The following SYNPO2 variants were observed in gnomAD, a reference collection of about 807,000 sequenced individuals.
SYNPO2 encodes synaptopodin-2.
A neutral mutation model predicts 85.0 loss-of-function variants in SYNPO2; 56 were observed. The observed-to-expected ratio is 0.66, with a 90% confidence interval of 0.53 to 0.82. The LOEUF (loss-of-function observed/expected upper bound fraction) is 0.82. Among genes scored for constraint, SYNPO2 ranks in the 40% least tolerant of loss-of-function variants. SYNPO2 has a pLI of 0.00. For synonymous variants in SYNPO2, 602 were observed against 591.1 expected (o/e 1.02, Z -0.27); for missense variants, 1,575 against 1,534.2 (o/e 1.03, Z -0.44).
chr4:118,909,782 T>A (rs1404549770), intron 1 of SYNPO2, among the ~76,000 whole-genome samples: 1 of 152,196 alleles, frequency 6.6e-6, no homozygotes, highest in Non-Finnish European at 1.5e-5. Context: ...AGCATTGCCA[T>A]TACACTTATA....
intron 1 of SYNPO2, among the ~76,000 whole-genome samples, chr4:119,019,420 A>G (rs1043907122): frequency 1.3e-5 from 2 of 152,214 alleles, no homozygotes; most frequent in African/African-American, 2.4e-5. Context: ...AAAGGAAAGG[A>G]ATTACATGAT....
intron 4 of SYNPO2, among the ~76,000 whole-genome samples, chr4:119,045,330 A>G (rs1738841679): frequency 2.6e-5 from 4 of 152,152 alleles, no homozygotes; most frequent in Admixed American, 2.6e-4. Flanking sequence ...GCAGTGGCTC[A>G]CTGGAAGCAA....
At chr4:118,916,270 T>C (rs1733320038) in intron 1 of SYNPO2, among the ~76,000 whole-genome samples, 1 of 151,816 alleles carries the variant, frequency 6.6e-6, no homozygotes, top group Non-Finnish European at 1.5e-5. Context: ...CCTGCTGGGC[T>C]CAAGTGATCC....
In SYNPO2 at chr4:119,027,351, G is replaced by T; in HGVS notation, c.982G>T (p.Val328Phe). The T allele has an allele frequency of 6.2e-7, 1 of 1,613,948 alleles. No homozygotes were observed. Among genetic ancestry groups the T allele is most frequent in the Non-Finnish European group, 8.5e-7 (1 of 1,180,032 alleles). ...EAPPSLVSFAVSSEGTEQGED... is the reference protein window; with the variant it reads ...EAPPSLVSFAFSSEGTEQGED... ...ACCTCCTTCTCTGGTATCCTTTGCC[G>T]TCTCATCAGAAGGCACAGAGCAGGG... Residue 328 changes from valine to phenylalanine, a missense_variant, in exon 3 of 5, where the codon GTC becomes TTC. This residue lies in a region of SYNPO2 where 1,508 missense variants were observed against 1,446.8 expected (regional missense o/e 1.04). Transcript: ENST00000307142.
Position 119,059,716 on chromosome 4 carries a change from G to A in SYNPO2, c.*1782G>A, listed in dbSNP as rs1739347276. 6.6e-6 allele frequency: 1 copy of A among 151,660 alleles called. No homozygotes were observed. The highest frequency in any genetic ancestry group is 1.5e-5 in the Non-Finnish European group (1 of 67,928). 9.4% of individuals were successfully genotyped at this position (151,660 alleles called of 1,614,324 possible). On this transcript the variant is annotated 3_prime_UTR_variant, in exon 5 of 5. Transcript: ENST00000307142. Reference sequence around the variant, plus strand: ...TAAAAATTAAAAATAATGCCAGGGTGCAAGTGACCAAGGCCTTATCTTGAA... The same window carrying A: ...TAAAAATTAAAAATAATGCCAGGGTACAAGTGACCAAGGCCTTATCTTGAA...
chr4:118,866,273 G>C (rs1418566477), intron 1 of SYNPO2, among the ~76,000 whole-genome samples: 2 of 152,080 alleles, frequency 1.3e-5, no homozygotes, highest in Admixed American at 6.5e-5. Flanking sequence ...TTAAATCCAA[G>C]TAGGAACGCC....
chr4:118,886,416 C>T (rs1298119110), upstream of SYNPO2, among the ~76,000 whole-genome samples: 7 of 152,082 alleles, frequency 4.6e-5, no homozygotes, highest in East Asian at 1.9e-4. Context: ...CCCCACCCTC[C>T]GACAGGCCTC....
chr4:118,898,913 C>T (rs1163718588), intron 1 of SYNPO2, among the ~76,000 whole-genome samples: 3 of 152,180 alleles, frequency 2.0e-5, no homozygotes, highest in African/African-American at 7.2e-5. Context: ...GAATGCTTGT[C>T]CACCCCATCT....
Position 118,888,898 on chromosome 4 carries a change from G to T in SYNPO2, c.-139G>T, listed in dbSNP as rs956280675. 29 of 837,704 alleles carry T rather than the reference G, an allele frequency of 3.5e-5. No individual in the cohort carries two copies. The highest frequency in any genetic ancestry group is 2.9e-4 in the African/African-American group (17 of 57,720). 51.9% of individuals were successfully genotyped at this position (837,704 alleles called of 1,614,324 possible). A position where few individuals can be genotyped will look rare whatever the true frequency, so the allele number is the denominator to read the frequency against. On this transcript the variant is annotated 5_prime_UTR_variant, in exon 1 of 5. Coordinates refer to ENST00000307142, the MANE Select transcript of SYNPO2 (RefSeq NM_133477.3). Reference sequence around the variant, plus strand: ...GGCTGGGGCGGCGGCTGGGGCAGCGGCTGCAGCAGCGGCGGACGCTCTGCA... The same window carrying T: ...GGCTGGGGCGGCGGCTGGGGCAGCGTCTGCAGCAGCGGCGGACGCTCTGCA...
intron 1 of SYNPO2, among the ~76,000 whole-genome samples, chr4:118,905,692 G>A (rs1578537087): frequency 6.6e-6 from 1 of 151,786 alleles, no homozygotes; most frequent in African/African-American, 2.4e-5. Context: ...CCTTTCCCTG[G>A]CCAGCCACAC....
chr4:118,932,337 T>C (rs911992175), intron 1 of SYNPO2, among the ~76,000 whole-genome samples: 5 of 152,158 alleles, frequency 3.3e-5, no homozygotes, highest in African/African-American at 1.2e-4. Flanking sequence ...GTTAGAAAAA[T>C]AAGTCCTCCG....
intron 1 of SYNPO2, among the ~76,000 whole-genome samples, chr4:118,880,920 T>C (rs914663472): frequency 5.3e-5 from 8 of 152,004 alleles, no homozygotes; most frequent in African/African-American, 1.9e-4. Flanking sequence ...AACATGACTG[T>C]GTTTGTGAAA....
At chr4:118,868,204 C>T (rs186928286) in intron 1 of SYNPO2, among the ~76,000 whole-genome samples, 2 of 151,978 alleles carry the variant, frequency 1.3e-5, no homozygotes, top group African/African-American at 4.8e-5. Flanking sequence ...AACTGTAACA[C>T]ACCTGGTCTA....
intron 1 of SYNPO2, among the ~76,000 whole-genome samples, chr4:118,971,907 TAAG>T (rs1183151421): frequency 6.6e-6 from 1 of 152,182 alleles, no homozygotes. Flanking sequence ...TGAGAAAGTG[TAAG>T]AAGGAAAATA....
At chr4:118,859,884 T>G (rs1365107242) in intron 1 of SYNPO2, among the ~76,000 whole-genome samples, 1 of 152,178 alleles carries the variant, frequency 6.6e-6, no homozygotes, top group Non-Finnish European at 1.5e-5. Context: ...AACATGAGAG[T>G]GCAGATCTCT....
Position 119,030,723 on chromosome 4 carries a change from C to A in SYNPO2, c.1948C>A (p.Pro650Thr). Residue 650 changes from proline (P) to threonine (T), a missense_variant, in exon 4 of 5, where the codon CCC (proline) becomes ACC (threonine). Physicochemically the swap from Pro to Thr is conservative, Grantham distance 38 (BLOSUM62 -1). Transcript: ENST00000307142. ...TGGCCCAGCACAGCCCCCTCCATGGCCCCAGCCTGCCCCGTGGTCCCAGCC... is the reference window on the plus strand; with the variant it reads ...TGGCCCAGCACAGCCCCCTCCATGGACCCAGCCTGCCCCGTGGTCCCAGCC... ...IAGPAQPPPW[P>T]QPAPWSQPAF... 6.2e-7 allele frequency: 1 copy of A among 1,614,164 alleles called. No homozygotes were observed. Among genetic ancestry groups the A allele is most frequent in the South Asian group, 1.1e-5 (1 of 91,084 alleles).
At chr4:118,901,580 TTTAA>T (rs1424989367) in intron 1 of SYNPO2, among the ~76,000 whole-genome samples, 1 of 152,262 alleles carries the variant, frequency 6.6e-6, no homozygotes, top group African/African-American at 2.4e-5. Flanking sequence ...ATGTGTTATC[TTTAA>T]TTATTAACTT....
intron 1 of SYNPO2, among the ~76,000 whole-genome samples, chr4:119,011,717 G>A (rs1375941853): frequency 2.0e-5 from 3 of 152,034 alleles, no homozygotes; most frequent in Non-Finnish European, 4.4e-5. Flanking sequence ...TCATTTATTC[G>A]GCACATATTT....
At chr4:119,004,547 G>C (rs1736950004) in intron 1 of SYNPO2, among the ~76,000 whole-genome samples, 1 of 149,606 alleles carries the variant, frequency 6.7e-6, no homozygotes. Flanking sequence ...CCCTACAAAC[G>C]ACATAAACTC....
Sources: allele counts gnomAD v4.1 joint callset (sites outside exome capture counted in the v4.1 genomes callset), GRCh38; gene constraint gnomAD v4.1.1; regional missense constraint gnomAD v4.1.1; transcripts MANE v1.5; gene names NCBI Gene and HGNC (gene_info 2026-07-23, HGNC 2026-07-21).